Variants in HMCN1 observed in about 807,000 individuals in gnomAD.
HMCN1 encodes hemicentin 1.
In HMCN1, 321 loss-of-function variants were observed where a neutral mutation model predicts 625.9. The ratio of observed to expected loss-of-function variants is 0.51; its 90% CI spans 0.47 to 0.56. The LOEUF (loss-of-function observed/expected upper bound fraction) is 0.56. HMCN1 is among the 20% of genes least tolerant of loss of function. HMCN1 has a pLI of 0.00. For missense variants in HMCN1, 6,588 were observed against 6,887.3 expected, an observed-to-expected ratio of 0.96 and a Z score of 1.54; for synonymous variants, 2,425 against 2,417.6, an observed-to-expected ratio of 1.00 and a Z score of -0.09.
rs1661880738 is a variant in HMCN1, at chr1:186,130,612, A to G, written c.13145A>G (p.Gln4382Arg). 2 of 1,613,624 alleles carry G rather than the reference A, an allele frequency of 1.2e-6. No individual in the cohort carries two copies. The highest frequency in any genetic ancestry group is 2.7e-5 in the African/African-American group (2 of 75,004). The change falls in exon 85 of 107, where the codon CAG (glutamine) becomes CGG (arginine). Residue 4382 changes from glutamine (Q) to arginine (R), a missense_variant. Gln to Arg is a conservative substitution (Grantham distance 43). Transcript: ENST00000271588. ...EVKGDPTPTIQWNRKGVDIEI... is the reference protein window; with the variant it reads ...EVKGDPTPTIRWNRKGVDIEI... ...AAAGGAGACCCCACCCCAACCATCCAGTGGAACAGAAAGGGAGTGGATATT... is the reference window on the plus strand; with the variant it reads ...AAAGGAGACCCCACCCCAACCATCCGGTGGAACAGAAAGGGAGTGGATATT...
chr1:186,104,226 G>A (rs1660510322), intron 69 of HMCN1, among the ~76,000 whole-genome samples: 2 of 152,126 alleles, frequency 1.3e-5, no homozygotes, highest in Non-Finnish European at 2.9e-5. Flanking sequence ...CAAACCTTAT[G>A]TTACAATTAT....
chr1:185,940,921 G>A (rs962863715), intron 11 of HMCN1, among the ~76,000 whole-genome samples: 6 of 152,138 alleles, frequency 3.9e-5, no homozygotes, highest in African/African-American at 1.4e-4. Flanking sequence ...GTGCCACCAC[G>A]TCAGCTAATT....
chr1:185,795,109 G>T (rs1265305026), intron 1 of HMCN1, among the ~76,000 whole-genome samples: 1 of 152,128 alleles, frequency 6.6e-6, no homozygotes, highest in Non-Finnish European at 1.5e-5. Flanking sequence ...ACTACACACT[G>T]GCTTTCACAA....
At chr1:185,790,296 A>T (rs1052973496) in intron 1 of HMCN1, among the ~76,000 whole-genome samples, 1 of 152,108 alleles carries the variant, frequency 6.6e-6, no homozygotes, top group African/African-American at 2.4e-5. Context: ...CTATTCTCCA[A>T]CTGTTGCCAA....
intron 105 of HMCN1, among the ~76,000 whole-genome samples, chr1:186,187,502 T>A (rs1275783902): frequency 2.6e-5 from 4 of 152,170 alleles, no homozygotes; most frequent in African/African-American, 9.7e-5. Flanking sequence ...TTGCAAAAAA[T>A]ATTCACAAAT....
At chr1:186,086,879 C>T (rs926404238) in intron 58 of HMCN1, among the ~76,000 whole-genome samples, 4 of 151,648 alleles carry the variant, frequency 2.6e-5, no homozygotes, top group African/African-American at 4.8e-5. Context: ...TTAGACACCT[C>T]GGCATTGTGG....
At chr1:185,923,678 T>C (rs1667111974) in intron 8 of HMCN1, 25 bp downstream of exon 8, 1 of 1,569,462 alleles carries the variant, frequency 6.4e-7, no homozygotes, top group Admixed American at 1.7e-5. Context: ...TATTCAACAT[T>C]GAAATATTGA....
chr1:185,806,661 G>A (rs1165261757), intron 1 of HMCN1, among the ~76,000 whole-genome samples: 2 of 151,186 alleles, frequency 1.3e-5, no homozygotes, highest in South Asian at 2.1e-4. Context: ...CATCTCTCAC[G>A]TACGATGGCA....
chr1:185,899,024 T>G (rs1391454420), intron 4 of HMCN1, among the ~76,000 whole-genome samples: 1 of 152,042 alleles, frequency 6.6e-6, no homozygotes, highest in East Asian at 1.9e-4. Context: ...GGGCCCTTCT[T>G]TTGTGTGGAC....
At position 186,055,425 on chromosome 1, in the gene HMCN1, C is replaced by A; in HGVS notation, c.6895C>A (p.Pro2299Thr). The change falls in exon 45 of 107, where the codon CCT becomes ACT. Residue 2299 changes from proline (P) to threonine (T), a missense_variant. Transcript: ENST00000271588. ...AACCATAACCAACAGTGGCAGCCAC[C>A]CTACTGAAATTATTGTGACCCGAGG... ...RPTITNSGSH[P>T]TEIIVTRGKS... 1 of 1,612,612 alleles carries A rather than the reference C, an allele frequency of 6.2e-7. No individual in the cohort carries two copies. The highest frequency in any genetic ancestry group is 8.5e-7 in the Non-Finnish European group (1 of 1,179,120).
chr1:185,752,709 C>T (rs955878352), intron 1 of HMCN1, among the ~76,000 whole-genome samples: 13 of 152,190 alleles, frequency 8.5e-5, no homozygotes, highest in African/African-American at 3.1e-4. Flanking sequence ...AAAATATTTG[C>T]TTACACAGAA....
intron 1 of HMCN1, among the ~76,000 whole-genome samples, chr1:185,787,318 G>A (rs1035021997): frequency 1.3e-5 from 2 of 152,204 alleles, no homozygotes; most frequent in Admixed American, 6.5e-5. Flanking sequence ...CCCTTCATAA[G>A]CTGCTTTAAA....
chr1:186,106,826 T>G, intron 69 of HMCN1, 58 bp from the exon 70 acceptor site: 1 of 1,223,182 alleles, frequency 8.2e-7, no homozygotes, highest in Middle Eastern at 1.9e-4. Flanking sequence ...TGGATATTTA[T>G]TTTAATAACA....
intron 11 of HMCN1, among the ~76,000 whole-genome samples, chr1:185,949,576 A>G (rs1291854725): frequency 1.3e-5 from 2 of 151,926 alleles, no homozygotes; most frequent in Non-Finnish European, 2.9e-5. Context: ...ACTGAATACT[A>G]AGAGCCTGAA....
At chr1:186,069,942 G>A (rs1010339782) in intron 51 of HMCN1, among the ~76,000 whole-genome samples, 166 bp downstream of exon 51, 1 of 152,138 alleles carries the variant, frequency 6.6e-6, no homozygotes, top group African/African-American at 2.4e-5. Flanking sequence ...TGTGTCTATG[G>A]CCTCAATTGC....
Position 186,144,210 on chromosome 1 carries a change from A to G in HMCN1, c.13962A>G (p.Thr4654=). The change falls in exon 90 of 107, where the codon ACA becomes ACG. Residue 4654 remains threonine, a synonymous_variant. Transcript: ENST00000271588. ...GAWSAWQPWG[T]CSESCGKGTQ... is the part of the protein sequence containing the mutation. Reference sequence around the variant, plus strand: ...GGAGCGCTTGGCAGCCTTGGGGAACATGCAGCGAAAGTTGTGGGAAAGGTA... The same window carrying G: ...GGAGCGCTTGGCAGCCTTGGGGAACGTGCAGCGAAAGTTGTGGGAAAGGTA... 1.2e-6 allele frequency: 2 copies of G among 1,611,038 alleles called. No individual in the cohort carries two copies. Among genetic ancestry groups the G allele is most frequent in the Non-Finnish European group, 1.7e-6 (2 of 1,178,352 alleles).
chr1:186,145,656 TAAAATG>T, intron 92 of HMCN1, 83 bp downstream of exon 92: 3 of 1,610,682 alleles, frequency 1.9e-6, no homozygotes, highest in Non-Finnish European at 2.5e-6. Flanking sequence ...CTTCAGACCT[TAAAATG>T]AAAGTTGTAT....
At chr1:186,156,057 G>T (rs1034502335) in intron 97 of HMCN1, among the ~76,000 whole-genome samples, 1 of 152,052 alleles carries the variant, frequency 6.6e-6, no homozygotes, top group Non-Finnish European at 1.5e-5. Flanking sequence ...AGTACTGGTC[G>T]AGAAAACTCA....
chr1:185,888,651 G>T (rs1266211333), intron 4 of HMCN1, among the ~76,000 whole-genome samples: 2 of 147,174 alleles, frequency 1.4e-5, no homozygotes, highest in Non-Finnish European at 2.9e-5. Flanking sequence ...GGGCTCTGTT[G>T]TGTTCCATTG....
Sources: gnomAD v4.1 joint callset for allele counts (sites outside exome capture counted in the v4.1 genomes callset) on GRCh38, gnomAD v4.1.1 for gene constraint, MANE v1.5 for transcripts, NCBI Gene and HGNC (gene_info 2026-07-23, HGNC 2026-07-21) for gene names.